Variants in RGS6 observed in about 807,000 individuals in gnomAD.
The protein encoded by RGS6 is regulator of G-protein signaling 6.
RGS6 carries 30 observed loss-of-function variants against 78.5 expected under a neutral mutation model. The ratio of observed to expected loss-of-function variants is 0.38; its 90% CI spans 0.29 to 0.52. The LOEUF (loss-of-function observed/expected upper bound fraction) is 0.52, where lower values mean the gene tolerates loss of function less well. Ranked by LOEUF, RGS6 falls within the 20% of genes least tolerant of loss-of-function variation. The probability of loss-of-function intolerance (pLI) is 0.85; values close to 1 mark genes in which losing one functional copy is unlikely to be tolerated. For missense variants in RGS6, 495 were observed against 609.7 expected (o/e 0.81, Z 1.98); for synonymous variants, 206 against 206.0 (o/e 1.00, Z 0.00).
At chr14:72,556,100 C>CTT (rs141994399) in intron 17 of RGS6, among the ~76,000 whole-genome samples, 1 of 151,988 alleles carries the variant, frequency 6.6e-6, no homozygotes, top group African/African-American at 2.4e-5. Flanking sequence ...GATTCAAAAA[C>CTT]TTTTTAAAAT....
At chr14:72,478,436 G>A (rs2096290040) in intron 12 of RGS6, 107 bp downstream of exon 12, 3 of 812,802 alleles carry the variant, frequency 3.7e-6, no homozygotes, top group Middle Eastern at 3.6e-4. Flanking sequence ...TTAGACTGTA[G>A]TTATTCCTTA....
At chr14:71,981,928 C>A (rs865825066) in intron 2 of RGS6, among the ~76,000 whole-genome samples, 49 of 140,162 alleles carry the variant, frequency 3.5e-4, no homozygotes, top group East Asian at 8.3e-4. Flanking sequence ...CTGTGCTAGC[C>A]ATCAGCGAGA....
At chr14:71,879,134 T>A in the RGS6 span, among the ~76,000 whole-genome samples, 4 of 152,214 alleles carry the variant, frequency 2.6e-5, no homozygotes, top group African/African-American at 9.7e-5. Context: ...TTCAAAATTC[T>A]AAGCTGTAAG....
At chr14:72,128,487 C>T (rs1482266972) in intron 2 of RGS6, among the ~76,000 whole-genome samples, 1 of 152,006 alleles carries the variant, frequency 6.6e-6, no homozygotes, top group African/African-American at 2.4e-5. Context: ...TTAAGCACTG[C>T]TCTCACATCT....
the RGS6 span, among the ~76,000 whole-genome samples, chr14:72,579,392 C>T: frequency 2.6e-5 from 4 of 152,288 alleles, no homozygotes; most frequent in Admixed American, 6.5e-5. Flanking sequence ...GGCTGCTGCA[C>T]CAGACAAAAA....
intron 6 of RGS6, 136 bp from the exon 7 acceptor site, chr14:72,465,622 G>GTGGATGGGTGGATGGATGGATGGA (rs2095886472): frequency 2.9e-6 from 1 of 348,092 alleles, no homozygotes; most frequent in African/African-American, 2.6e-5. Context: ...GGGTGGATGG[G>GTGGATGGGTGGATGGATGGATGGA]TGGATGGATG....
At position 72,477,226 on chromosome 14, in the gene RGS6, G is replaced by C. The variant is rs140858965; in HGVS notation, c.792+386G>C. 1.8e-5 allele frequency: 3 copies of C among 167,382 alleles called. No homozygotes were observed. The East Asian group carries it at 5.3e-4, about 30-fold the overall frequency. 10.4% of individuals were successfully genotyped at this position (167,382 alleles called of 1,614,324 possible). A position where few individuals can be genotyped will look rare whatever the true frequency, so the allele number is the denominator to read the frequency against. On this transcript the variant is annotated intron_variant, in intron 11 of 17. Transcript: ENST00000553525. ...TTTATTGCTGTGATTTGAAAGGAAA[G>C]TTTAAGAATAAATAAAGCTCTACTC... is the stretch of plus-strand genomic sequence containing the variant.
At chr14:72,055,065 T>C (rs1334144462) in intron 2 of RGS6, among the ~76,000 whole-genome samples, 1 of 152,232 alleles carries the variant, frequency 6.6e-6, no homozygotes, top group African/African-American at 2.4e-5. Context: ...TGTTTTTGTA[T>C]CTATGAGCAG....
At chr14:72,266,372 C>G (rs1460813351) in intron 2 of RGS6, among the ~76,000 whole-genome samples, 1 of 152,120 alleles carries the variant, frequency 6.6e-6, no homozygotes, top group Non-Finnish European at 1.5e-5. Context: ...CCTCCTAAGC[C>G]TGGGCCCAGG....
chr14:72,548,058 T>G (rs535319131), intron 17 of RGS6, among the ~76,000 whole-genome samples: 3 of 152,142 alleles, frequency 2.0e-5, no homozygotes, highest in African/African-American at 4.8e-5. Flanking sequence ...AGTGAGTATA[T>G]TCAGCGTCTT....
chr14:72,250,399 G>GAAAAAAAAAA (rs58591258), intron 2 of RGS6, among the ~76,000 whole-genome samples: 1 of 114,288 alleles, frequency 8.7e-6, no homozygotes, highest in Admixed American at 9.3e-5. Flanking sequence ...TAAATACACC[G>GAAAAAAAAAA]AAAAAAAAAA....
chr14:72,377,304 G>A (rs896566555), intron 3 of RGS6, among the ~76,000 whole-genome samples: 5 of 152,136 alleles, frequency 3.3e-5, no homozygotes, highest in African/African-American at 1.2e-4. Flanking sequence ...AAAGAGACAA[G>A]GGCATTATAT....
chr14:72,533,460 G>T (rs2097207597), intron 15 of RGS6, among the ~76,000 whole-genome samples: 1 of 152,226 alleles, frequency 6.6e-6, no homozygotes, highest in Non-Finnish European at 1.5e-5. Context: ...TATGGATCAA[G>T]AAGTAATTTC....
chr14:72,076,198 C>T (rs1377047689), intron 2 of RGS6, among the ~76,000 whole-genome samples: 2 of 152,204 alleles, frequency 1.3e-5, no homozygotes, highest in African/African-American at 4.8e-5. Context: ...GGCACCTTAG[C>T]CTGTTCTTCA....
chr14:72,360,881 G>C (rs1238110577), intron 3 of RGS6, among the ~76,000 whole-genome samples: 1 of 152,078 alleles, frequency 6.6e-6, no homozygotes, highest in African/African-American at 2.4e-5. Flanking sequence ...ATTGGATCGT[G>C]GGGGTGGTTT....
At chr14:72,080,278 T>G (rs1049863722) in intron 2 of RGS6, among the ~76,000 whole-genome samples, 1 of 152,090 alleles carries the variant, frequency 6.6e-6, no homozygotes, top group African/African-American at 2.4e-5. Context: ...TTTTCCTGAT[T>G]AGTGTTGTTA....
At chr14:72,102,098 T>C (rs931096022) in intron 2 of RGS6, among the ~76,000 whole-genome samples, 1 of 152,204 alleles carries the variant, frequency 6.6e-6, no homozygotes. Flanking sequence ...AGAAAATTGT[T>C]CCAGCCGAGG....
intron 3 of RGS6, among the ~76,000 whole-genome samples, chr14:72,371,187 T>G (rs1022248941): frequency 2.6e-5 from 4 of 152,242 alleles, no homozygotes; most frequent in Non-Finnish European, 4.4e-5. Context: ...TTTCTTCTTA[T>G]GGGATTCACT....
chr14:72,042,059 T>C (rs2092450760), intron 2 of RGS6, among the ~76,000 whole-genome samples: 1 of 152,128 alleles, frequency 6.6e-6, no homozygotes, highest in African/African-American at 2.4e-5. Flanking sequence ...ACTGCTTAAC[T>C]TCTGCCTACT....
Sources: allele counts gnomAD v4.1 joint callset (sites outside exome capture counted in the v4.1 genomes callset), GRCh38; gene constraint gnomAD v4.1.1; transcripts MANE v1.5; gene names NCBI Gene and HGNC (gene_info 2026-07-23, HGNC 2026-07-21).